The following DGKB variants were observed in gnomAD, a reference collection of about 807,000 sequenced individuals.
DGKB encodes the protein 90 kDa diacylglycerol kinase.
Under a neutral mutation model 114.3 loss-of-function variants are expected in DGKB, and 67 were observed. That is an observed-to-expected ratio of 0.59 (90% CI 0.48 to 0.72). DGKB has a LOEUF of 0.72. DGKB is among the 30% of genes least tolerant of loss of function. The probability of loss-of-function intolerance (pLI) is 0.00; values close to 1 mark genes in which losing one functional copy is unlikely to be tolerated. For synonymous variants in DGKB, 398 were observed against 323.1 expected, an observed-to-expected ratio of 1.23 and a Z score of -2.49; for missense variants, 907 against 975.2, an observed-to-expected ratio of 0.93 and a Z score of 0.93.
Position 14,226,807 on chromosome 7 carries a change from G to T in DGKB, c.2123-48656C>A, listed in dbSNP as rs189547779. On this transcript the variant is annotated intron_variant, in intron 23 of 25. Coordinates refer to ENST00000402815, the MANE Select transcript of DGKB (RefSeq NM_001350709.2). ...TATAAGATTGCAATTCATGTTTGTGGTTACTTTTCAAAATGAAGAATTTCT... is the reference window on the plus strand; with the variant it reads ...TATAAGATTGCAATTCATGTTTGTGTTTACTTTTCAAAATGAAGAATTTCT... Among the ~76,000 whole-genome samples the T allele has an allele frequency of 3.0e-3, 451 of 152,002 alleles. 3 individuals carry two copies. Among genetic ancestry groups the T allele is most frequent in the African/African-American group, 0.01 (427 of 41,504 alleles).
intron 21 of DGKB, among the ~76,000 whole-genome samples, chr7:14,440,882 T>A (rs893716087): frequency 6.6e-6 from 1 of 151,884 alleles, no homozygotes; most frequent in African/African-American, 2.4e-5. Flanking sequence ...ATGCCAACAC[T>A]TGGTATGGTA....
intron 1 of DGKB, among the ~76,000 whole-genome samples, chr7:14,925,075 T>A (rs1309270227): frequency 6.6e-6 from 1 of 152,234 alleles, no homozygotes; most frequent in African/African-American, 2.4e-5. Flanking sequence ...TCTCTATAGA[T>A]TCACTCAAGT....
chr7:14,666,517 C>T (rs980680383), intron 13 of DGKB, among the ~76,000 whole-genome samples: 12 of 152,008 alleles, frequency 7.9e-5, no homozygotes, highest in African/African-American at 2.6e-4. Flanking sequence ...TTATCTGCAG[C>T]AAGAACCAAG....
rs116745225 is a variant in DGKB at position 14,325,534 on chromosome 7, T to A, written c.2122+12981A>T. ...GAGTGAACTGTACTCTAGTCAACTT[T>A]CGTTGGGATAAATATTCTAATAGGA... On this transcript the variant is annotated intron_variant, in intron 23 of 25. Transcript: ENST00000402815. Among the ~76,000 whole-genome samples, 859 of 152,272 alleles carry A rather than the reference T, an allele frequency of 5.6e-3. 14 individuals carry two copies. The highest frequency in any genetic ancestry group is 0.019 in the African/African-American group (809 of 41,562).
intron 21 of DGKB, among the ~76,000 whole-genome samples, chr7:14,451,547 C>T (rs1831496640): frequency 8.2e-6 from 1 of 121,826 alleles, no homozygotes; most frequent in Non-Finnish European, 1.7e-5. Flanking sequence ...CTCTATCTGT[C>T]TCTCTCTCTC....
chr7:14,499,793 A>C (rs1379906740), intron 20 of DGKB, among the ~76,000 whole-genome samples: 2 of 151,894 alleles, frequency 1.3e-5, no homozygotes, highest in Non-Finnish European at 2.9e-5. Flanking sequence ...AAATGACAGA[A>C]ATTGCTCAAA....
chr7:14,744,571 G>C (rs1017157319), intron 4 of DGKB, among the ~76,000 whole-genome samples: 2 of 152,116 alleles, frequency 1.3e-5, no homozygotes, highest in African/African-American at 4.8e-5. Context: ...CCCATGGCTG[G>C]GCTGGGCTTT....
At chr7:14,670,311 A>AC (rs1818751129) in intron 13 of DGKB, among the ~76,000 whole-genome samples, 1 of 149,280 alleles carries the variant, frequency 6.7e-6, no homozygotes, top group East Asian at 2.0e-4. Context: ...ACACACACAC[A>AC]TTTTTTTTTG....
chr7:14,703,383 T>G (rs1246864856), intron 6 of DGKB, among the ~76,000 whole-genome samples: 1 of 152,134 alleles, frequency 6.6e-6, no homozygotes, highest in Non-Finnish European at 1.5e-5. Context: ...GAAACACACA[T>G]GGGTAGGATA....
chr7:14,357,389 G>A (rs6971713), intron 21 of DGKB, among the ~76,000 whole-genome samples: 11,661 of 152,106 alleles, frequency 0.077, 743 homozygotes, highest in African/African-American at 0.17. Context: ...TTGGTTTAAA[G>A]TCTGTTTTAT....
intron 17 of DGKB, among the ~76,000 whole-genome samples, chr7:14,606,803 T>C (rs1325776498): frequency 6.6e-6 from 1 of 152,064 alleles, no homozygotes; most frequent in Non-Finnish European, 1.5e-5. Flanking sequence ...AAAAATTTAT[T>C]TTACTAGATC....
At chr7:14,503,991 C>T (rs1786619907) in intron 20 of DGKB, among the ~76,000 whole-genome samples, 1 of 152,086 alleles carries the variant, frequency 6.6e-6, no homozygotes, top group Admixed American at 6.6e-5. Flanking sequence ...TGTGTAAGCA[C>T]TAAAACAAAC....
chr7:14,734,185 C>T (rs2128396331), intron 5 of DGKB, among the ~76,000 whole-genome samples: 2 of 133,062 alleles, frequency 1.5e-5, no homozygotes, highest in South Asian at 5.5e-4. Flanking sequence ...CAGGCGCCTG[C>T]CACCATGCCC....
chr7:14,971,561 T>G (rs1358729441), intron 1 of DGKB, among the ~76,000 whole-genome samples: 8 of 152,112 alleles, frequency 5.3e-5, no homozygotes, highest in Non-Finnish European at 8.8e-5. Context: ...GACAGTCAAT[T>G]GAATTTAAAG....
rs1814776902 is a variant in DGKB, at chr7:14,357,394, T to C, written c.1836-12003A>G. 3.3e-5 allele frequency among the ~76,000 whole-genome samples: 5 copies of C among 152,166 alleles called. No individual in the cohort carries two copies. The South Asian group carries it at 1.0e-3, about 32-fold the overall frequency. ...TTGATCTTTGTTGGTTTAAAGTCTGTTTTATCAGAGACTAGGATTGCAACC... is the reference window on the plus strand; with the variant it reads ...TTGATCTTTGTTGGTTTAAAGTCTGCTTTATCAGAGACTAGGATTGCAACC... On this transcript the variant is annotated intron_variant, in intron 21 of 25. Coordinates refer to ENST00000402815, the MANE Select transcript of DGKB (RefSeq NM_001350709.2).
chr7:14,939,909 A>G (rs113069844), intron 1 of DGKB, among the ~76,000 whole-genome samples: 21,674 of 151,966 alleles, frequency 0.14, 1,613 homozygotes, highest in Admixed American at 0.2. Context: ...CACCACACCC[A>G]GCCAATTCAT....
At chr7:14,291,709 A>T (rs1020890528) in intron 23 of DGKB, among the ~76,000 whole-genome samples, 3 of 152,200 alleles carry the variant, frequency 2.0e-5, no homozygotes, top group South Asian at 2.1e-4. Context: ...TTCTCAGAAA[A>T]TTTTTATAGA....
rs143303329 is a variant in DGKB at position 14,272,216 on chromosome 7, A to T, written c.2122+66299T>A. On this transcript the variant is annotated intron_variant, in intron 23 of 25. Transcript: ENST00000402815. ...AGTGTATTTATTTGAAGAACTAGGT[A>T]AGTTAATGGTGTGTCAATTTAAGAC... Among the ~76,000 whole-genome samples, 627 of 152,318 alleles carry T rather than the reference A, an allele frequency of 4.1e-3. 5 individuals carry two copies. The highest frequency in any genetic ancestry group is 0.014 in the African/African-American group (598 of 41,598).
chr7:14,697,407 T>C (rs1824141325), intron 8 of DGKB, among the ~76,000 whole-genome samples: 3 of 152,140 alleles, frequency 2.0e-5, no homozygotes, highest in South Asian at 2.1e-4. Flanking sequence ...AACTACCATC[T>C]TCTTTTATGG....
Sources: gnomAD v4.1 joint callset for allele counts (sites outside exome capture counted in the v4.1 genomes callset) on GRCh38, gnomAD v4.1.1 for gene constraint, MANE v1.5 for transcripts, NCBI Gene and HGNC (gene_info 2026-07-23, HGNC 2026-07-21) for gene names.